Variants in MMP16 observed in about 807,000 individuals in gnomAD.
The protein encoded by MMP16 is matrix metalloproteinase-16.
Under a neutral mutation model 67.8 loss-of-function variants are expected in MMP16, and 12 were observed. The ratio of observed to expected loss-of-function variants is 0.18; its 90% CI spans 0.11 to 0.29. The LOEUF (loss-of-function observed/expected upper bound fraction) is 0.29, where lower values mean the gene tolerates loss of function less well. Ranked by LOEUF, MMP16 falls within the 10% of genes least tolerant of loss-of-function variation. The probability of loss-of-function intolerance (pLI) is 1.00; values close to 1 mark genes in which losing one functional copy is unlikely to be tolerated. For synonymous variants in MMP16, 249 were observed against 255.9 expected, an observed-to-expected ratio of 0.97 and a Z score of 0.26; for missense variants, 475 against 765.7, an observed-to-expected ratio of 0.62 and a Z score of 4.48.
intron 4 of MMP16, among the ~76,000 whole-genome samples, chr8:88,149,420 A>C (rs1167662508): frequency 1.3e-5 from 2 of 152,110 alleles, no homozygotes; most frequent in Admixed American, 6.5e-5. Context: ...GCACAGACAA[A>C]CAAAAAGACA....
intron 3 of MMP16, among the ~76,000 whole-genome samples, chr8:88,173,809 C>T (rs1808842986): frequency 1.3e-5 from 2 of 152,124 alleles, no homozygotes; most frequent in African/African-American, 4.8e-5. Flanking sequence ...GGAGTCCCTC[C>T]AGGAAACCTT....
intron 6 of MMP16, among the ~76,000 whole-genome samples, chr8:88,090,010 A>AT (rs1808907443): frequency 6.6e-6 from 1 of 151,962 alleles, no homozygotes; most frequent in Non-Finnish European, 1.5e-5. Context: ...AGAATATGTA[A>AT]TTTTCCCTGT....
chr8:88,243,038 A>G (rs1394755977), intron 1 of MMP16, among the ~76,000 whole-genome samples: 1 of 152,198 alleles, frequency 6.6e-6, no homozygotes, highest in Non-Finnish European at 1.5e-5. Flanking sequence ...CTCAGAAACC[A>G]AAGTTAAAAT....
intron 7 of MMP16, among the ~76,000 whole-genome samples, chr8:88,062,408 A>G (rs1808411062): frequency 6.6e-6 from 1 of 152,168 alleles, no homozygotes; most frequent in Non-Finnish European, 1.5e-5. Context: ...GAACCAACCC[A>G]AATGTCCAAC....
chr8:88,299,774 C>A (rs1811069279), intron 1 of MMP16, among the ~76,000 whole-genome samples: 1 of 152,166 alleles, frequency 6.6e-6, no homozygotes. Context: ...AATCATTCTT[C>A]TTTAACCTCC....
At chr8:88,221,768 T>C (rs557238594) in intron 1 of MMP16, among the ~76,000 whole-genome samples, 49 of 152,190 alleles carry the variant, frequency 3.2e-4, no homozygotes, top group Admixed American at 8.5e-4. Flanking sequence ...CTTCTAACAT[T>C]TGATTAACAG....
intron 1 of MMP16, among the ~76,000 whole-genome samples, chr8:88,309,172 T>G (rs1213651802): frequency 2.6e-5 from 4 of 152,076 alleles, no homozygotes; most frequent in African/African-American, 9.7e-5. Context: ...TTAACTCACA[T>G]GTACTTAGAT....
chr8:88,048,473 G>C (rs1808226603), intron 8 of MMP16, among the ~76,000 whole-genome samples: 1 of 152,120 alleles, frequency 6.6e-6, no homozygotes, highest in African/African-American at 2.4e-5. Context: ...ATCACTGGGA[G>C]TTCACAGTGA....
At chr8:88,069,595 G>A (rs930264349) in intron 7 of MMP16, 2 of 450,910 alleles carry the variant, frequency 4.4e-6, no homozygotes, top group Non-Finnish European at 8.6e-6. Flanking sequence ...AATTTAGGCA[G>A]GCTTATTGCT....
At chr8:88,095,534 T>C (rs1809011630) in intron 6 of MMP16, among the ~76,000 whole-genome samples, 1 of 151,898 alleles carries the variant, frequency 6.6e-6, no homozygotes, top group South Asian at 2.1e-4. Flanking sequence ...ACTCTGCTTA[T>C]ACCTATTAGA....
intron 6 of MMP16, among the ~76,000 whole-genome samples, chr8:88,093,972 T>C (rs747556084): frequency 1.3e-5 from 2 of 151,866 alleles, no homozygotes; most frequent in Non-Finnish European, 2.9e-5. Context: ...AACACCCACA[T>C]TGAATTCTCA....
chr8:88,193,521 G>A (rs763057187), intron 2 of MMP16, among the ~76,000 whole-genome samples: 2 of 152,016 alleles, frequency 1.3e-5, no homozygotes, highest in African/African-American at 2.4e-5. Context: ...AGAGATAGTA[G>A]TAAATAGCAC....
intron 1 of MMP16, among the ~76,000 whole-genome samples, chr8:88,257,316 C>T (rs1229149423): frequency 6.6e-6 from 1 of 152,110 alleles, no homozygotes; most frequent in Non-Finnish European, 1.5e-5. Context: ...CACTTTAGAA[C>T]CTGTACAAGG....
intron 1 of MMP16, among the ~76,000 whole-genome samples, chr8:88,210,152 T>C (rs969220026): frequency 5.3e-5 from 8 of 152,166 alleles, no homozygotes; most frequent in African/African-American, 1.2e-4. Context: ...ATTTCTGCTC[T>C]TTAAATGCCA....
chr8:88,246,165 A>G (rs1015402280), intron 1 of MMP16, among the ~76,000 whole-genome samples: 4 of 152,178 alleles, frequency 2.6e-5, no homozygotes, highest in Admixed American at 1.3e-4. Context: ...CAGAAAGATG[A>G]CATAGCTTCA....
chr8:88,079,403 C>T (rs1586139392), intron 6 of MMP16, among the ~76,000 whole-genome samples: 1 of 152,196 alleles, frequency 6.6e-6, no homozygotes, highest in South Asian at 2.1e-4. Flanking sequence ...ATAAGTTAAA[C>T]TTTATCATAG....
chr8:88,044,440 T>A (rs1808174117), intron 9 of MMP16, among the ~76,000 whole-genome samples: 1 of 152,240 alleles, frequency 6.6e-6, no homozygotes, highest in Non-Finnish European at 1.5e-5. Flanking sequence ...TTCATCTTGC[T>A]CAACAACCTA....
At chr8:88,128,703 C>CA (rs1807976713) in intron 4 of MMP16, among the ~76,000 whole-genome samples, 2 of 151,206 alleles carry the variant, frequency 1.3e-5, no homozygotes, top group African/African-American at 2.4e-5. Flanking sequence ...CAATGATTAG[C>CA]AAAAAAAGAT....
At chr8:88,063,482 CT>C (rs147148394) in intron 7 of MMP16, among the ~76,000 whole-genome samples, 7,783 of 136,690 alleles carry the variant, frequency 0.057, 216 homozygotes, top group African/African-American at 0.089. Context: ...ACCTAATAAC[CT>C]TTTTTTTTTT....
Sources: gnomAD v4.1 joint callset for allele counts (sites outside exome capture counted in the v4.1 genomes callset) on GRCh38, gnomAD v4.1.1 for gene constraint, MANE v1.5 for transcripts, NCBI Gene and HGNC (gene_info 2026-07-23, HGNC 2026-07-21) for gene names.